The following CDK17 variants were observed in gnomAD, a reference collection of about 807,000 sequenced individuals.
CDK17 encodes the protein cyclin-dependent kinase 17.
A neutral mutation model predicts 77.6 loss-of-function variants in CDK17; 24 were observed. The ratio of observed to expected loss-of-function variants is 0.31; its 90% CI spans 0.22 to 0.44. The LOEUF is 0.44. Among genes scored for constraint, CDK17 ranks in the 20% least tolerant of loss-of-function variants. The pLI is 1.00. For synonymous variants in CDK17, 203 were observed against 210.4 expected (o/e 0.96, Z 0.30); for missense variants, 429 against 622.5 (o/e 0.69, Z 3.31).
intron 1 of CDK17, among the ~76,000 whole-genome samples, chr12:96,359,100 C>T (rs2137185569): frequency 6.6e-6 from 1 of 151,896 alleles, no homozygotes; most frequent in South Asian, 2.1e-4. Flanking sequence ...CTTGGCTTCC[C>T]TTCATTTCTT....
chr12:96,359,178 A>T (rs1409610673), intron 1 of CDK17, among the ~76,000 whole-genome samples: 2 of 152,254 alleles, frequency 1.3e-5, no homozygotes, highest in East Asian at 3.9e-4. Flanking sequence ...TAATCATTCC[A>T]GCAGATTCTC....
chr12:96,296,048 CATAATT>C (rs1181075132), intron 9 of CDK17, among the ~76,000 whole-genome samples: 4 of 152,160 alleles, frequency 2.6e-5, no homozygotes, highest in African/African-American at 9.7e-5. Flanking sequence ...CTCCAGTCTA[CATAATT>C]ATGTTTTTAA....
intron 1 of CDK17, among the ~76,000 whole-genome samples, chr12:96,398,903 T>C (rs886900469): frequency 6.6e-6 from 1 of 152,218 alleles, no homozygotes; most frequent in African/African-American, 2.4e-5. Context: ...GCCACAGATT[T>C]CAGCTAAACG....
rs765168673 is a variant in CDK17 at position 96,298,948 on chromosome 12, T to C, written c.636A>G (p.Lys212=). The C allele has an allele frequency of 1.6e-5, 26 of 1,607,324 alleles. No individual in the cohort carries two copies. In the East Asian group the frequency reaches 5.6e-4, roughly 35 times the overall value. The change falls in exon 7 of 17, where the codon AAA becomes AAG. Residue 212 remains lysine (K), a synonymous_variant. Transcript: ENST00000261211. ...TTAATGCCACCAAATTCTCTGTCAATTTACTTCTTCCTTTATATACTGTTG... is the reference window on the plus strand; with the variant it reads ...TTAATGCCACCAAATTCTCTGTCAACTTACTTCTTCCTTTATATACTGTTG... ...TYATVYKGRS[K]LTENLVALKE... is the part of the protein sequence containing the mutation.
chr12:96,286,247 A>T (rs556532520), intron 12 of CDK17, 99 bp from the exon 13 acceptor site: 1 of 287,330 alleles, frequency 3.5e-6, no homozygotes, highest in African/African-American at 2.2e-5. Flanking sequence ...CTTAGAGAAT[A>T]ATTTACATTT....
intron 1 of CDK17, among the ~76,000 whole-genome samples, chr12:96,356,824 T>C (rs897714928): frequency 6.6e-5 from 10 of 152,252 alleles, no homozygotes; most frequent in Admixed American, 2.0e-4. Flanking sequence ...GAAACTTATT[T>C]TCATTATTTT....
intron 1 of CDK17, among the ~76,000 whole-genome samples, chr12:96,396,535 A>G (rs756611120): frequency 3.9e-5 from 6 of 152,196 alleles, no homozygotes; most frequent in Non-Finnish European, 8.8e-5. Context: ...TATCTTCTGC[A>G]TTTAAAATGC....
rs376130441 is a variant in CDK17, at chr12:96,374,573, T to A, written c.-30+25413A>T. On this transcript the variant is annotated intron_variant, in intron 1 of 16. Transcript: ENST00000261211. ...GGAACAATTAACCCCTTCCCCTTCATCCCATTCTCTGACCTCTTGGCAAAT... is the reference window on the plus strand; with the variant it reads ...GGAACAATTAACCCCTTCCCCTTCAACCCATTCTCTGACCTCTTGGCAAAT... Among the ~76,000 whole-genome samples, 42 of 152,328 alleles carry A rather than the reference T, an allele frequency of 2.8e-4. 1 individual carries two copies. The South Asian group carries it at 8.3e-3, about 30-fold the overall frequency.
intron 1 of CDK17, among the ~76,000 whole-genome samples, chr12:96,394,682 G>GC (rs753763785): frequency 1.3e-5 from 2 of 151,304 alleles, no homozygotes; most frequent in Non-Finnish European, 1.5e-5. Flanking sequence ...GGACGTGGAA[G>GC]CTCACACCAC....
chr12:96,336,089 G>A (rs145242001), intron 1 of CDK17, among the ~76,000 whole-genome samples: 1 of 152,102 alleles, frequency 6.6e-6, no homozygotes, highest in East Asian at 1.9e-4. Context: ...ATTTATTTTT[G>A]CTTAAAAGCT....
intron 10 of CDK17, among the ~76,000 whole-genome samples, chr12:96,292,956 T>C (rs1431170269): frequency 6.6e-5 from 10 of 152,188 alleles, no homozygotes; most frequent in Admixed American, 5.2e-4. Context: ...TCTAAACTCA[T>C]TGTTCTCAAG....
chr12:96,323,893 A>G, intron 3 of CDK17, 55 bp downstream of exon 3: 1 of 1,281,746 alleles, frequency 7.8e-7, no homozygotes, highest in Non-Finnish European at 1.0e-6. Context: ...AAACTTAACT[A>G]TGTGCATGAC....
chr12:96,374,142 G>A (rs1565841304), intron 1 of CDK17, among the ~76,000 whole-genome samples: 1 of 152,068 alleles, frequency 6.6e-6, no homozygotes, highest in South Asian at 2.1e-4. Context: ...CCCATTAACA[G>A]CCAAAATGAG....
intron 1 of CDK17, among the ~76,000 whole-genome samples, chr12:96,347,614 AAGGGAGGGGAAGGGAGGGGAGGGG>A (rs1953238242): frequency 5.6e-5 from 1 of 17,936 alleles, no homozygotes; most frequent in Non-Finnish European, 1.1e-4. Context: ...AAGGGAGGGG[AAGGGAGGGGAAGGGAGGGGAGGGG>A]AGGGGAGGGG....
At chr12:96,343,364 C>T (rs1284862746) in intron 1 of CDK17, among the ~76,000 whole-genome samples, 2 of 152,170 alleles carry the variant, frequency 1.3e-5, no homozygotes, top group South Asian at 2.1e-4. Flanking sequence ...AATAGCAGCC[C>T]CCATCTCTGG....
At chr12:96,289,609 T>C (rs558772294) in intron 10 of CDK17, among the ~76,000 whole-genome samples, 157 of 152,352 alleles carry the variant, frequency 1.0e-3, no homozygotes, top group African/African-American at 3.7e-3. Flanking sequence ...GACAAAATTA[T>C]TTCTCAGCTG....
chr12:96,374,331 GAAAAATTGTTAAGTAA>G, intron 1 of CDK17, among the ~76,000 whole-genome samples: 1 of 152,308 alleles, frequency 6.6e-6, no homozygotes, highest in Admixed American at 6.5e-5. Context: ...TACATGCGTA[GAAAAATTGTTAAGTAA>G]AAATTAATCT....
chr12:96,302,642 A>AT (rs1248408305), intron 5 of CDK17, among the ~76,000 whole-genome samples: 4 of 152,210 alleles, frequency 2.6e-5, no homozygotes, highest in Admixed American at 6.5e-5. Context: ...TAAGCTAGGC[A>AT]TTTTTTCTTC....
intron 1 of CDK17, among the ~76,000 whole-genome samples, chr12:96,381,359 T>C (rs1254183320): frequency 1.3e-5 from 1 of 74,952 alleles, no homozygotes; most frequent in Non-Finnish European, 2.7e-5. Flanking sequence ...AAACCATTTT[T>C]TCCTACAAAA....
Sources: allele counts gnomAD v4.1 joint callset (sites outside exome capture counted in the v4.1 genomes callset), GRCh38; gene constraint gnomAD v4.1.1; transcripts MANE v1.5; gene names NCBI Gene and HGNC (gene_info 2026-07-23, HGNC 2026-07-21).